LRRC31: variants seen among roughly 807,000 people sequenced by gnomAD.
LRRC31 encodes leucine rich repeat containing 31.
In LRRC31, 35 loss-of-function variants were observed where a neutral mutation model predicts 46.7. The ratio of observed to expected loss-of-function variants is 0.75; its 90% CI spans 0.57 to 0.99. LRRC31 has a LOEUF of 0.99. Among genes scored for constraint, LRRC31 ranks in the 50% least tolerant of loss-of-function variants. The pLI, the probability that LRRC31 is intolerant of heterozygous loss-of-function variation, is 0.00. For missense variants in LRRC31, 613 were observed against 626.1 expected (o/e 0.98, Z 0.22); for synonymous variants, 236 against 235.1 (o/e 1.00, Z -0.03).
chr3:169,853,522 T>C, intron 6 of LRRC31: 1 of 985,822 alleles, frequency 1.0e-6, no homozygotes, highest in Non-Finnish European at 1.2e-6. Flanking sequence ...TGAGATGTGG[T>C]ATTCATGTTA....
chr3:169,868,454 C>A (rs1781397247), intron 1 of LRRC31, among the ~76,000 whole-genome samples: 1 of 152,164 alleles, frequency 6.6e-6, no homozygotes, highest in African/African-American at 2.4e-5. Context: ...CCTTAGCCTG[C>A]ATTATTTTTC....
chr3:169,840,252 G>A lies in LRRC31; in HGVS notation c.1389C>T (p.Asp463=), dbSNP rs1780407312. The change falls in exon 9 of 9, where the codon GAC becomes GAT. Residue 463 remains aspartate (D), a synonymous_variant. Transcript: ENST00000316428. ...KLQKLDLSYN[D]SICDAGWTMF... is the part of the protein sequence containing the mutation. Reference sequence around the variant, plus strand: ...TGGTCCACCCCGCATCACAGATGCTGTCATTGTAGCTCAGGTCCAGCTTTT... The same window carrying A: ...TGGTCCACCCCGCATCACAGATGCTATCATTGTAGCTCAGGTCCAGCTTTT... The A allele has an allele frequency of 1.2e-6, 2 of 1,614,110 alleles. No individual in the cohort carries two copies. Among genetic ancestry groups the A allele is most frequent in the Non-Finnish European group, 8.5e-7 (1 of 1,180,004 alleles).
chr3:169,856,768 T>C lies in LRRC31; in HGVS notation c.592A>G (p.Ser198Gly), dbSNP rs1232800056. The change falls in exon 4 of 9, where the codon AGC becomes GGC. Residue 198 changes from serine (S) to glycine (G), a missense_variant. By Grantham distance (56) the Ser-to-Gly change is moderately conservative (BLOSUM62 0). Coordinates refer to ENST00000316428, the MANE Select transcript of LRRC31 (RefSeq NM_024727.4). ...ACAAGCTCAATCATTTGTATCTTGC[T>C]CCCTTTTTGGAACTTCTGAAGGATC... Reference protein sequence around the residue: ...PLILQKFQKGSKIQMIELVDC... With the variant: ...PLILQKFQKGGKIQMIELVDC... The C allele has an allele frequency of 2.5e-6, 4 of 1,609,860 alleles. No individual in the cohort carries two copies. The highest frequency in any genetic ancestry group is 3.4e-6 in the Non-Finnish European group (4 of 1,178,258).
At position 169,852,296 on chromosome 3, in the gene LRRC31, G is replaced by T. The variant is rs191664864; in HGVS notation, c.992-510C>A. Among the ~76,000 whole-genome samples, 33 of 151,246 alleles carry T rather than the reference G, an allele frequency of 2.2e-4. No individual in the cohort carries two copies. In the East Asian group the frequency reaches 6.0e-3, roughly 28 times the overall value. ...CGGGCGCCTGTAGTTCCAGCTACTC[G>T]GGAGGCTGAGACAGGAGAATGGCGT... On this transcript the variant is annotated intron_variant, in intron 6 of 8. Coordinates refer to ENST00000316428, the MANE Select transcript of LRRC31 (RefSeq NM_024727.4).
intron 1 of LRRC31, among the ~76,000 whole-genome samples, chr3:169,863,878 A>G (rs897559217): frequency 6.6e-6 from 1 of 152,180 alleles, no homozygotes; most frequent in African/African-American, 2.4e-5. Context: ...GGTGCCAGCA[A>G]GTACAGGACA....
intron 8 of LRRC31, among the ~76,000 whole-genome samples, chr3:169,844,798 G>A (rs918416796): frequency 6.6e-6 from 1 of 152,000 alleles, no homozygotes; most frequent in African/African-American, 2.4e-5. Flanking sequence ...TGGGAGTGGT[G>A]GCACATGCCT....
intron 8 of LRRC31, among the ~76,000 whole-genome samples, chr3:169,845,797 A>G (rs1470024852): frequency 1.3e-5 from 2 of 151,958 alleles, no homozygotes; most frequent in Non-Finnish European, 2.9e-5. Context: ...GATTTGCAAA[A>G]CGCTCTAAGA....
intron 1 of LRRC31, among the ~76,000 whole-genome samples, chr3:169,862,271 G>A (rs994943597): frequency 2.6e-5 from 4 of 152,192 alleles, no homozygotes; most frequent in East Asian, 3.8e-4. Flanking sequence ...ATGGCCACAC[G>A]GAGTAAGTGG....
rs1279037520 is a variant in LRRC31 at position 169,851,616 on chromosome 3, T to TA, written c.1159+2dup. ...TCCTGCAGGGATCTGGGAAATCTCTTACCAAGAGCTGTAAAAGTCTCACTC... is the reference window on the plus strand; with the variant it reads ...TCCTGCAGGGATCTGGGAAATCTCTTAACCAAGAGCTGTAAAAGTCTCACTC... On this transcript the variant is annotated splice_region_variant and intron_variant, in intron 7 of 8. Transcript: ENST00000316428. 4 of 1,611,716 alleles carry TA rather than the reference T, an allele frequency of 2.5e-6. No individual in the cohort carries two copies. Among genetic ancestry groups the TA allele is most frequent in the Non-Finnish European group, 3.4e-6 (4 of 1,179,248 alleles).
rs1301688309 is a variant in LRRC31, at chr3:169,854,868, T to C, written c.936A>G (p.Leu312=). The change falls in exon 6 of 9, where the codon CTA becomes CTG. Residue 312 remains leucine, a synonymous_variant. Transcript: ENST00000316428. ...SPAQLVMLKH[L]QVLDLHQCSL... ...AGCACTGGTGAAGATCTAGGACTTG[T>C]AGATGCTTTAGCATGACCAACTGAG... 1 of 1,613,918 alleles carries C rather than the reference T, an allele frequency of 6.2e-7. No homozygotes were observed. The highest frequency in any genetic ancestry group is 2.2e-5 in the East Asian group (1 of 44,880).
chr3:169,841,856 C>T (rs1395114492), intron 8 of LRRC31, among the ~76,000 whole-genome samples: 3 of 151,566 alleles, frequency 2.0e-5, no homozygotes, highest in Non-Finnish European at 4.4e-5. Flanking sequence ...ACCAGCCTGG[C>T]CAAGATAGTG....
intron 6 of LRRC31, among the ~76,000 whole-genome samples, chr3:169,854,506 C>T (rs1257835879): frequency 6.6e-6 from 1 of 152,112 alleles, no homozygotes; most frequent in Non-Finnish European, 1.5e-5. Context: ...GGTATGTAAC[C>T]TGTTTGTAAT....
intron 6 of LRRC31, among the ~76,000 whole-genome samples, chr3:169,852,377 C>T (rs1055599339): frequency 7.0e-4 from 95 of 135,702 alleles, no homozygotes; most frequent in Non-Finnish European, 6.2e-4. Context: ...CACTCCAGCC[C>T]GGGCGACAGA....
In LRRC31 at chr3:169,856,703, A is replaced by G; in HGVS notation, c.655+2T>C. 6.4e-7 allele frequency: 1 copy of G among 1,558,712 alleles called. No homozygotes were observed. The highest frequency in any genetic ancestry group is 8.7e-7 in the Non-Finnish European group (1 of 1,152,074). On this transcript the variant is annotated splice_donor_variant, in intron 4 of 8. Coordinates refer to ENST00000316428, the MANE Select transcript of LRRC31 (RefSeq NM_024727.4). LOFTEE classifies it high-confidence loss of function. The stretch of plus-strand genomic sequence containing the variant: ...TTTTTTTTCTCTTCAAATTCCACTT[A>G]CCCAGAAATGTCCCATCTTCTGACG...
Position 169,848,178 on chromosome 3 carries a change from A to G in LRRC31, c.1269T>C (p.Ser423=). Residue 423 remains serine, a synonymous_variant, in exon 8 of 9, where the codon TCT becomes TCC. Transcript: ENST00000316428. ...AGCTGCTCAGCCTCAGCACTTGAAG[A>G]GACATGGAAAGCTTTAGTGTTTCCA... is the stretch of plus-strand genomic sequence containing the variant. ...LLLETLKLSM[S]LQVLRLSSCS... The G allele has an allele frequency of 6.2e-7, 1 of 1,614,214 alleles. No individual in the cohort carries two copies. Among genetic ancestry groups the G allele is most frequent in the African/African-American group, 1.3e-5 (1 of 75,042 alleles).
intron 1 of LRRC31, among the ~76,000 whole-genome samples, chr3:169,862,618 G>A (rs7651665): frequency 2.8e-4 from 42 of 151,930 alleles, no homozygotes; most frequent in African/African-American, 9.4e-4. Flanking sequence ...AAAATTAGCC[G>A]GGCGTGGTGG....
intron 8 of LRRC31, among the ~76,000 whole-genome samples, chr3:169,841,913 C>A (rs888669770): frequency 2.6e-5 from 4 of 151,916 alleles, no homozygotes; most frequent in Admixed American, 6.6e-5. Context: ...GGCATGGTGG[C>A]GGGCACCTGT....
chr3:169,853,127 A>T, intron 6 of LRRC31: 1 of 698,236 alleles, frequency 1.4e-6, no homozygotes, highest in Non-Finnish European at 1.8e-6. Context: ...GCATCGGTTT[A>T]CTCCTGCCCT....
chr3:169,853,937 G>A (rs938458299), intron 6 of LRRC31, among the ~76,000 whole-genome samples: 3 of 152,240 alleles, frequency 2.0e-5, no homozygotes. Flanking sequence ...GAGCAGTGGG[G>A]AGATGCCAAA....
Sources: gnomAD v4.1 joint callset for allele counts (sites outside exome capture counted in the v4.1 genomes callset) on GRCh38, gnomAD v4.1.1 for gene constraint, MANE v1.5 for transcripts, NCBI Gene and HGNC (gene_info 2026-07-23, HGNC 2026-07-21) for gene names.